DACH2: variants seen among roughly 807,000 people sequenced by gnomAD.
DACH2 encodes dachshund family transcription factor 2, also known as dachshund homolog 2.
Under a neutral mutation model 35.8 loss-of-function variants are expected in DACH2, and 17 were observed. That is an observed-to-expected ratio of 0.48 (90% confidence interval 0.33 to 0.71). The LOEUF (loss-of-function observed/expected upper bound fraction) is 0.71. Among genes scored for constraint, DACH2 ranks in the 30% least tolerant of loss-of-function variants. The probability of loss-of-function intolerance (pLI) is 0.02; values close to 1 mark genes in which losing one functional copy is unlikely to be tolerated. For missense variants in DACH2, 469 were observed against 472.7 expected (o/e 0.99, Z 0.07); for synonymous variants, 195 against 177.3 (o/e 1.10, Z -0.79).
intron 1 of DACH2, among the ~76,000 whole-genome samples, chrX:86,180,917 G>A (rs1396991697): frequency 9.0e-6 from 1 of 111,063 alleles, no homozygotes; most frequent in Non-Finnish European, 1.9e-5. Flanking sequence ...CTACAGTGAA[G>A]ACAACATTGC....
At chrX:86,745,600 T>C (rs1335390761) in intron 7 of DACH2, among the ~76,000 whole-genome samples, 5 of 111,730 alleles carry the variant, frequency 4.5e-5, no homozygotes, top group Non-Finnish European at 9.4e-5. Context: ...TCCTGTCCTT[T>C]TTTATGGCTG....
At chrX:86,777,210 T>TA (rs1006626107) in intron 7 of DACH2, among the ~76,000 whole-genome samples, 1 of 77,818 alleles carries the variant, frequency 1.3e-5, no homozygotes, top group African/African-American at 5.4e-5. Context: ...ACCAACAGTG[T>TA]AAAAGTGTTC....
intron 1 of DACH2, among the ~76,000 whole-genome samples, chrX:86,302,884 T>C (rs2034601774): frequency 9.1e-6 from 1 of 109,550 alleles, no homozygotes. Context: ...TGATAAATGA[T>C]AATAATAACC....
intron 2 of DACH2, among the ~76,000 whole-genome samples, chrX:86,472,593 T>C (rs992470345): frequency 8.9e-6 from 1 of 112,158 alleles, no homozygotes; most frequent in Non-Finnish European, 1.9e-5. Flanking sequence ...CTGTGGGACA[T>C]ATCCCCACTA....
Position 86,573,063 on chromosome X carries a change from T to C in DACH2, c.640+58672T>C, listed in dbSNP as rs142797888. On this transcript the variant is annotated intron_variant, in intron 3 of 11. Transcript: ENST00000373125. ...GGAGCATTTATCTCTGCATTTTCAG[T>C]CAGTGCCCAGTACATAGAAAATGCT... Among the ~76,000 whole-genome samples, 989 of 110,553 alleles carry C rather than the reference T, an allele frequency of 8.9e-3. 17 individuals are homozygous for C. Among genetic ancestry groups the C allele is most frequent in the African/African-American group, 0.031 (947 of 30,348 alleles).
chrX:86,273,778 A>G (rs190880965), intron 1 of DACH2, among the ~76,000 whole-genome samples: 168 of 112,031 alleles, frequency 1.5e-3, no homozygotes, highest in African/African-American at 5.1e-3. Context: ...TCAGAAAATA[A>G]AAAATACTTT....
chrX:86,329,255 C>A (rs1444426384), intron 1 of DACH2, among the ~76,000 whole-genome samples: 1 of 110,599 alleles, frequency 9.0e-6, no homozygotes, highest in East Asian at 2.8e-4. Flanking sequence ...TTAAGCTAGG[C>A]AGTTAGCTTC....
intron 1 of DACH2, among the ~76,000 whole-genome samples, chrX:86,294,025 A>G (rs1363823693): frequency 8.9e-6 from 1 of 111,769 alleles, no homozygotes; most frequent in Non-Finnish European, 1.9e-5. Flanking sequence ...GTGTTTTCCA[A>G]CTTGGTTCCA....
intron 3 of DACH2, among the ~76,000 whole-genome samples, chrX:86,607,185 A>T (rs1318693516): frequency 9.0e-6 from 1 of 111,373 alleles, no homozygotes; most frequent in African/African-American, 3.3e-5. Context: ...TTTTCATCCA[A>T]CATTATTATT....
chrX:86,397,972 C>A (rs759133066), intron 2 of DACH2, among the ~76,000 whole-genome samples: 2 of 111,773 alleles, frequency 1.8e-5, no homozygotes, highest in Non-Finnish European at 3.8e-5. Flanking sequence ...ATGGTACCAG[C>A]TCCTCCTTTT....
chrX:86,258,028 T>A (rs1364258478), intron 1 of DACH2, among the ~76,000 whole-genome samples: 1 of 111,536 alleles, frequency 9.0e-6, no homozygotes, highest in East Asian at 2.8e-4. Flanking sequence ...TCTGCTCCTT[T>A]AAGAACACAT....
chrX:86,689,311 G>T (rs2040983197), intron 4 of DACH2, among the ~76,000 whole-genome samples: 2 of 111,373 alleles, frequency 1.8e-5, no homozygotes, highest in African/African-American at 6.5e-5. Flanking sequence ...AGGTTGTAGA[G>T]TATAGCACCT....
chrX:86,735,516 A>G (rs2041585551), intron 6 of DACH2, among the ~76,000 whole-genome samples: 1 of 112,006 alleles, frequency 8.9e-6, no homozygotes, highest in Non-Finnish European at 1.9e-5. Context: ...AAGGGATTGT[A>G]TGTACTAATT....
intron 3 of DACH2, among the ~76,000 whole-genome samples, chrX:86,540,919 T>C (rs1602625415): frequency 8.9e-6 from 1 of 111,898 alleles, no homozygotes; most frequent in Non-Finnish European, 1.9e-5. Context: ...TCAGAAATGT[T>C]GTAATTAAAC....
intron 3 of DACH2, among the ~76,000 whole-genome samples, chrX:86,533,397 C>A (rs1421409189): frequency 4.5e-5 from 5 of 111,713 alleles, no homozygotes; most frequent in Admixed American, 3.8e-4. Context: ...TTTTTCTGAT[C>A]TTCTTTATTG....
In DACH2 at chrX:86,202,501, T is replaced by C. The variant is rs1189043628; in HGVS notation, c.488+53393T>C. On this transcript the variant is annotated intron_variant, in intron 1 of 11. Transcript: ENST00000373125. ...GAGAAGAACCAGGAGAAAGTACAGA[T>C]GTGTAAAAGTACTTTGCATTTTCTG... is the stretch of plus-strand genomic sequence containing the variant. 4.5e-5 allele frequency among the ~76,000 whole-genome samples: 5 copies of C among 111,488 alleles called. No homozygotes were observed. The Admixed American group carries it at 4.8e-4, about 11-fold the overall frequency.
chrX:86,814,093 C>G (rs1422041371), intron 9 of DACH2, among the ~76,000 whole-genome samples: 1 of 110,842 alleles, frequency 9.0e-6, no homozygotes, highest in Non-Finnish European at 1.9e-5. Flanking sequence ...CAGCCTATGA[C>G]TGTATATGCA....
intron 1 of DACH2, among the ~76,000 whole-genome samples, chrX:86,174,538 A>G (rs961114622): frequency 9.8e-5 from 11 of 112,280 alleles, no homozygotes; most frequent in African/African-American, 3.6e-4. Flanking sequence ...GTTGATGGTC[A>G]GCAAACATTT....
At chrX:86,452,979 C>T (rs1005846386) in intron 2 of DACH2, among the ~76,000 whole-genome samples, 1 of 111,316 alleles carries the variant, frequency 9.0e-6, no homozygotes, top group Non-Finnish European at 1.9e-5. Flanking sequence ...CCTCTTAACA[C>T]TTTTTTAGCT....
Sources: allele counts gnomAD v4.1 joint callset (sites outside exome capture counted in the v4.1 genomes callset), GRCh38; gene constraint gnomAD v4.1.1; transcripts MANE v1.5; gene names NCBI Gene and HGNC (gene_info 2026-07-23, HGNC 2026-07-21).